TUSC3: variants seen among roughly 807,000 people sequenced by gnomAD.
TUSC3 encodes dolichyl-diphosphooligosaccharide--protein glycosyltransferase subunit TUSC3.
In TUSC3, 45 loss-of-function variants were observed where a neutral mutation model predicts 44.8. The ratio of observed to expected loss-of-function variants is 1.00; its 90% CI spans 0.79 to 1.29. TUSC3 has a LOEUF of 1.29. TUSC3 is among the 50% of genes most tolerant of loss of function. The probability of loss-of-function intolerance (pLI) is 0.00; values close to 1 mark genes in which losing one functional copy is unlikely to be tolerated. For synonymous variants in TUSC3, 212 were observed against 152.9 expected (o/e 1.39, Z -2.85); for missense variants, 519 against 437.9 (o/e 1.19, Z -1.65).
chr8:15,846,173 G>T, the TUSC3 span, among the ~76,000 whole-genome samples: 92,046 of 151,934 alleles, frequency 0.61, 28,314 homozygotes, highest in Middle Eastern at 0.78. Flanking sequence ...AGATTTGAAT[G>T]GGGACACAGC....
chr8:15,455,571 T>C (rs1800244772), intron 1 of TUSC3, among the ~76,000 whole-genome samples: 1 of 152,202 alleles, frequency 6.6e-6, no homozygotes, highest in South Asian at 2.1e-4. Context: ...TGTATACATA[T>C]ACTTTTTTTT....
chr8:15,831,346 T>A, the TUSC3 span, among the ~76,000 whole-genome samples: 1 of 152,032 alleles, frequency 6.6e-6, no homozygotes, highest in Non-Finnish European at 1.5e-5. Context: ...CCCACAAAGA[T>A]GAGAAAGAAC....
At chr8:15,744,411 A>G (rs138615113) in intron 8 of TUSC3, among the ~76,000 whole-genome samples, 8 of 152,308 alleles carry the variant, frequency 5.3e-5, no homozygotes, top group Middle Eastern at 3.4e-3. Context: ...ATGATTTGAT[A>G]TGTCCACAGA....
At chr8:15,780,696 G>A in the TUSC3 span, among the ~76,000 whole-genome samples, 2 of 151,968 alleles carry the variant, frequency 1.3e-5, no homozygotes, top group Admixed American at 6.6e-5. Flanking sequence ...CTCTTCCCTG[G>A]CTCACCCCAG....
the TUSC3 span, among the ~76,000 whole-genome samples, chr8:15,819,279 A>ATATT: frequency 6.6e-6 from 1 of 152,112 alleles, no homozygotes; most frequent in Non-Finnish European, 1.5e-5. Context: ...ACCATTTAAC[A>ATATT]TATTTGTTAC....
At chr8:15,673,927 A>T (rs1317842950) in intron 6 of TUSC3, 91 bp downstream of exon 6, 35 of 1,136,746 alleles carry the variant, frequency 3.1e-5, no homozygotes, top group Non-Finnish European at 4.5e-5. Flanking sequence ...GTAGGAAAAG[A>T]TTCTGTTTGT....
intron 9 of TUSC3, among the ~76,000 whole-genome samples, chr8:15,754,298 C>T (rs1388145082): frequency 6.7e-6 from 1 of 149,602 alleles, no homozygotes; most frequent in Non-Finnish European, 1.5e-5. Flanking sequence ...CTCTAGGGAC[C>T]AAGAGCTGAA....
At chr8:15,546,159 A>G (rs986902089) in intron 1 of TUSC3, among the ~76,000 whole-genome samples, 6 of 151,764 alleles carry the variant, frequency 4.0e-5, no homozygotes, top group Admixed American at 2.0e-4. Flanking sequence ...CCTGGTCTCT[A>G]TCCAGTCTTT....
At chr8:15,460,415 G>A (rs1037332923) in intron 1 of TUSC3, among the ~76,000 whole-genome samples, 2 of 152,030 alleles carry the variant, frequency 1.3e-5, no homozygotes, top group South Asian at 2.1e-4. Context: ...ATTTAAGTTT[G>A]TTGTAGATTC....
At chr8:15,837,313 C>T in the TUSC3 span, among the ~76,000 whole-genome samples, 1 of 151,726 alleles carries the variant, frequency 6.6e-6, no homozygotes, top group African/African-American at 2.4e-5. Flanking sequence ...TAAATTGAAG[C>T]ATTTATTTAT....
the TUSC3 span, chr8:15,806,309 G>A: frequency 1.0e-5 from 7 of 700,074 alleles, no homozygotes; most frequent in South Asian, 8.3e-5. Flanking sequence ...CATGGACTAA[G>A]TCAGGGACAC....
chr8:15,692,694 G>A (rs541044495), intron 6 of TUSC3, among the ~76,000 whole-genome samples: 41 of 149,862 alleles, frequency 2.7e-4, no homozygotes, highest in Non-Finnish European at 5.0e-4. Context: ...GGAGTCAGTC[G>A]TAGCACCCCC....
chr8:15,539,345 C>CTTTTTTTTTTTTTTTT (rs35685582), upstream of TUSC3, among the ~76,000 whole-genome samples: 1 of 69,396 alleles, frequency 1.4e-5, no homozygotes, highest in African/African-American at 6.1e-5. Context: ...TGCTATGGTT[C>CTTTTTTTTTTTTTTTT]TTTTTTTTTT....
At chr8:15,554,687 C>G (rs1372163632) in intron 1 of TUSC3, among the ~76,000 whole-genome samples, 1 of 147,134 alleles carries the variant, frequency 6.8e-6, no homozygotes, top group Non-Finnish European at 1.5e-5. Flanking sequence ...ACTGCAAGCT[C>G]TGCCTCCCAG....
At chr8:15,515,664 G>A (rs753909601) in intron 2 of TUSC3, among the ~76,000 whole-genome samples, 2 of 151,746 alleles carry the variant, frequency 1.3e-5, no homozygotes, top group African/African-American at 2.4e-5. Context: ...ATATATATAT[G>A]TATGTATATA....
chr8:15,421,765 T>G (rs564221108), intron 1 of TUSC3, among the ~76,000 whole-genome samples: 1 of 152,322 alleles, frequency 6.6e-6, no homozygotes, highest in African/African-American at 2.4e-5. Context: ...CCACGTCATC[T>G]GAGACCCTGG....
chr8:15,840,408 C>G, the TUSC3 span, among the ~76,000 whole-genome samples: 1 of 152,024 alleles, frequency 6.6e-6, no homozygotes, highest in Non-Finnish European at 1.5e-5. Flanking sequence ...TAACCACACA[C>G]ACACACAAAA....
the TUSC3 span, among the ~76,000 whole-genome samples, chr8:15,811,969 G>T: frequency 6.6e-6 from 1 of 152,056 alleles, no homozygotes; most frequent in Non-Finnish European, 1.5e-5. Flanking sequence ...TCTCTTTGAT[G>T]ACGATCAATT....
intron 8 of TUSC3, among the ~76,000 whole-genome samples, chr8:15,745,378 C>T (rs2129215660): frequency 6.6e-6 from 1 of 152,142 alleles, no homozygotes; most frequent in South Asian, 2.1e-4. Flanking sequence ...TTTGAGAAAT[C>T]TCGAAACTGT....
Sources: gnomAD v4.1 joint callset for allele counts (sites outside exome capture counted in the v4.1 genomes callset) on GRCh38, gnomAD v4.1.1 for gene constraint, MANE v1.5 for transcripts, NCBI Gene and HGNC (gene_info 2026-07-23, HGNC 2026-07-21) for gene names.